Variants in RBPJ observed in about 807,000 individuals in gnomAD.
RBPJ encodes recombining binding protein suppressor of hairless.
In RBPJ, 9 loss-of-function variants were observed where a neutral mutation model predicts 67.8. The observed-to-expected ratio is 0.13, with a 90% CI of 0.08 to 0.23. The LOEUF (loss-of-function observed/expected upper bound fraction) is 0.23. Among genes scored for constraint, RBPJ ranks in the 10% least tolerant of loss-of-function variants. The pLI is 1.00. For missense variants in RBPJ, 305 were observed against 595.6 expected, an observed-to-expected ratio of 0.51 and a Z score of 5.08; for synonymous variants, 198 against 203.3, an observed-to-expected ratio of 0.97 and a Z score of 0.22.
chr4:26,115,530 G>A, the RBPJ span, among the ~76,000 whole-genome samples: 6 of 152,030 alleles, frequency 3.9e-5, no homozygotes, highest in African/African-American at 7.2e-5. Context: ...GACTACAGGC[G>A]CGTGTCACCA....
chr4:26,105,791 GTTACTT>G, the RBPJ span, among the ~76,000 whole-genome samples: 1 of 152,290 alleles, frequency 6.6e-6, no homozygotes, highest in African/African-American at 2.4e-5. Context: ...AAGTTGACCT[GTTACTT>G]TTATTTTCCT....
At chr4:26,288,246 T>G (rs1226206033) in intron 1 of RBPJ, among the ~76,000 whole-genome samples, 1 of 152,168 alleles carries the variant, frequency 6.6e-6, no homozygotes, top group Non-Finnish European at 1.5e-5. Context: ...GGTTCTAGCT[T>G]GGGATCTATA....
chr4:26,162,253 G>A (rs976739952), upstream of RBPJ, among the ~76,000 whole-genome samples: 7 of 152,178 alleles, frequency 4.6e-5, no homozygotes, highest in East Asian at 5.8e-4. Flanking sequence ...TAGGACAGCC[G>A]ACCGTCTCAC....
intron 1 of RBPJ, among the ~76,000 whole-genome samples, chr4:26,239,089 T>C (rs948303082): frequency 6.6e-6 from 1 of 152,164 alleles, no homozygotes; most frequent in African/African-American, 2.4e-5. Context: ...AAGCAACGAC[T>C]GCTCAGATAA....
intron 1 of RBPJ, among the ~76,000 whole-genome samples, chr4:26,238,916 G>C (rs1719542639): frequency 6.6e-6 from 1 of 152,070 alleles, no homozygotes; most frequent in Admixed American, 6.5e-5. Flanking sequence ...AGGTGAGAGA[G>C]CCACAGAGAT....
the RBPJ span, among the ~76,000 whole-genome samples, chr4:26,107,624 G>A: frequency 6.6e-6 from 1 of 152,208 alleles, no homozygotes; most frequent in African/African-American, 2.4e-5. Context: ...GGGTCCAGGT[G>A]TGGGGGCTCA....
At chr4:26,351,257 TA>T (rs1371789826) in intron 1 of RBPJ, among the ~76,000 whole-genome samples, 3 of 152,172 alleles carry the variant, frequency 2.0e-5, no homozygotes, top group African/African-American at 7.2e-5. Context: ...CATAGATACC[TA>T]GAATATTGAG....
chr4:26,402,955 A>G (rs1399203514), intron 2 of RBPJ, among the ~76,000 whole-genome samples: 1 of 152,222 alleles, frequency 6.6e-6, no homozygotes. Flanking sequence ...AAAACAAAAG[A>G]TACATAGAGT....
intron 1 of RBPJ, among the ~76,000 whole-genome samples, chr4:26,248,693 T>C (rs922061812): frequency 6.6e-6 from 1 of 152,202 alleles, no homozygotes; most frequent in Non-Finnish European, 1.5e-5. Flanking sequence ...AGGCTAGTAA[T>C]AGGGACTTGT....
At chr4:26,235,258 T>C (rs924113050) in intron 1 of RBPJ, among the ~76,000 whole-genome samples, 3 of 152,348 alleles carry the variant, frequency 2.0e-5, no homozygotes, top group Middle Eastern at 3.4e-3. Flanking sequence ...ATGTGTGTGC[T>C]TTTCAAGCCA....
chr4:26,123,643 CA>C, the RBPJ span, among the ~76,000 whole-genome samples: 1 of 152,154 alleles, frequency 6.6e-6, no homozygotes, highest in Non-Finnish European at 1.5e-5. Context: ...TACAGCTATA[CA>C]AAAATATTTT....
intron 1 of RBPJ, among the ~76,000 whole-genome samples, chr4:26,376,020 C>T (rs1729694241): frequency 6.6e-6 from 1 of 152,160 alleles, no homozygotes; most frequent in African/African-American, 2.4e-5. Flanking sequence ...CTGGAGCCAC[C>T]TGACCTGGCA....
intron 1 of RBPJ, among the ~76,000 whole-genome samples, chr4:26,164,947 A>G (rs1716210380): frequency 6.6e-6 from 1 of 152,184 alleles, no homozygotes; most frequent in Non-Finnish European, 1.5e-5. Context: ...CATAACTTAG[A>G]CAAATGTCCT....
chr4:26,351,807 C>T (rs1010303401), intron 1 of RBPJ, among the ~76,000 whole-genome samples: 6 of 152,160 alleles, frequency 3.9e-5, no homozygotes, highest in Admixed American at 1.3e-4. Flanking sequence ...TTTGATAGTA[C>T]GTTTATGTAC....
chr4:26,200,823 G>T (rs1011843811), intron 1 of RBPJ, among the ~76,000 whole-genome samples: 1 of 152,094 alleles, frequency 6.6e-6, no homozygotes, highest in African/African-American at 2.4e-5. Flanking sequence ...GGTGCTTCTT[G>T]TCTCTGGCTA....
intron 1 of RBPJ, among the ~76,000 whole-genome samples, chr4:26,371,832 T>C (rs1038467874): frequency 3.3e-5 from 5 of 152,216 alleles, no homozygotes; most frequent in Admixed American, 6.5e-5. Flanking sequence ...ATAAATGTTA[T>C]CAGTGAATTG....
intron 1 of RBPJ, among the ~76,000 whole-genome samples, chr4:26,204,194 C>T (rs1338651974): frequency 3.9e-5 from 6 of 152,142 alleles, no homozygotes; most frequent in East Asian, 1.9e-4. Flanking sequence ...GTGATCCTTC[C>T]GCCTTGGCCT....
At chr4:26,410,208 T>C (rs1733881270) in intron 3 of RBPJ, 1 of 293,544 alleles carries the variant, frequency 3.4e-6, no homozygotes, top group Non-Finnish European at 6.7e-6. Flanking sequence ...TTTTGAAGAG[T>C]TGCAAAGGCG....
rs1160385279 is a variant in RBPJ, at chr4:26,293,746, ATATGAGAAG to A, written c.-166-68698_-166-68690del. Among the ~76,000 whole-genome samples the A allele has an allele frequency of 2.2e-5, 3 of 137,716 alleles. No individual in the cohort carries two copies. The East Asian group carries it at 7.1e-4, about 33-fold the overall frequency. The allele number at this position is 137,716 out of a possible 152,430, so 90.3% of individuals were successfully genotyped here. ...GGAATGACAAAAATAATAGACATGT[ATATGAGAAG>A]TGTTTTTTTCTTCTTTTTTTGAGAT... On this transcript the variant is annotated intron_variant, in intron 1 of 4. Coordinates refer to the RBPJ transcript ENST00000512351.
Sources: allele counts gnomAD v4.1 joint callset (sites outside exome capture counted in the v4.1 genomes callset), GRCh38; gene constraint gnomAD v4.1.1; transcripts MANE v1.5; gene names NCBI Gene and HGNC (gene_info 2026-07-23, HGNC 2026-07-21).